NRP2: variants seen among roughly 807,000 people sequenced by gnomAD.
The protein encoded by NRP2 is neuropilin-2.
NRP2 carries 52 observed loss-of-function variants against 110.4 expected under a neutral mutation model. That is an observed-to-expected ratio of 0.47 (90% CI 0.38 to 0.59). The LOEUF (loss-of-function observed/expected upper bound fraction) is 0.59, where lower values mean the gene tolerates loss of function less well. NRP2 is among the 20% of genes least tolerant of loss of function. The probability of loss-of-function intolerance (pLI) is 0.00; values close to 1 mark genes in which losing one functional copy is unlikely to be tolerated. For synonymous variants in NRP2, 508 were observed against 468.9 expected (o/e 1.08, Z -1.08); for missense variants, 1,049 against 1,203.0 (o/e 0.87, Z 1.89).
chr2:205,728,996 A>G (rs13032186), intron 7 of NRP2, among the ~76,000 whole-genome samples: 36,783 of 152,168 alleles, frequency 0.24, 5,149 homozygotes, highest in Non-Finnish European at 0.33. Flanking sequence ...AGTTCCACCA[A>G]GCCCTGGTCT....
rs2057858922 is a variant in NRP2 at position 205,763,523 on chromosome 2, G to A, written c.2045-151G>A. The A allele has an allele frequency of 9.7e-7, 1 of 1,031,392 alleles. No individual in the cohort carries two copies. The highest frequency in any genetic ancestry group is 1.5e-6 in the Non-Finnish European group (1 of 668,320). The allele number at this position is 1,031,392 out of a possible 1,614,324, so 63.9% of individuals were successfully genotyped here. A position where few individuals can be genotyped will look rare whatever the true frequency, so the allele number is the denominator to read the frequency against. On this transcript the variant is annotated intron_variant, in intron 12 of 16. Transcript: ENST00000357785. The surrounding 1 kb of genome is among the most constrained non-coding windows in gnomAD (Gnocchi z 4.0). ...AATCAAGGCTCTGAAGGAGCCTTAA[G>A]AAAGGGTCACAGAGCCTGGAGAACA...
At chr2:205,727,749 C>G (rs1237666467) in intron 6 of NRP2, 142 bp from the exon 7 acceptor site, 2 of 771,120 alleles carry the variant, frequency 2.6e-6, no homozygotes, top group Non-Finnish European at 4.1e-6. Flanking sequence ...GAATTGCAAA[C>G]TGATACTAAT....
intron 12 of NRP2, chr2:205,762,332 G>T: frequency 6.6e-6 from 1 of 152,412 alleles, no homozygotes; most frequent in Non-Finnish European, 1.5e-5. Flanking sequence ...GAGTCAAGAA[G>T]GAAAGAGCTG....
At position 205,711,478 on chromosome 2, in the gene NRP2, A is replaced by G. The variant is rs568577765; in HGVS notation, c.252-4715A>G. On this transcript the variant is annotated intron_variant, in intron 2 of 16. Coordinates refer to ENST00000357785, the MANE Select transcript of NRP2 (RefSeq NM_003872.3). Reference sequence around the variant, plus strand: ...AGGTAACATTTGTCCTTAAGCCTGAAGGATGAGCAACAACCAGCCCTGGAA... The same window carrying G: ...AGGTAACATTTGTCCTTAAGCCTGAGGGATGAGCAACAACCAGCCCTGGAA... Among the ~76,000 whole-genome samples the G allele has an allele frequency of 2.0e-4, 30 of 152,324 alleles. No homozygotes were observed. In the South Asian group the frequency reaches 6.2e-3, roughly 32 times the overall value.
At chr2:205,694,252 CTAAGTAGTACT>C (rs1310023656) in intron 1 of NRP2, among the ~76,000 whole-genome samples, 5 of 152,172 alleles carry the variant, frequency 3.3e-5, no homozygotes, top group African/African-American at 1.2e-4. Flanking sequence ...ATAAAAACAC[CTAAGTAGTACT>C]TATAAGAGGA....
intron 15 of NRP2, among the ~76,000 whole-genome samples, chr2:205,785,505 C>G (rs970444020): frequency 6.6e-6 from 1 of 152,178 alleles, no homozygotes; most frequent in Non-Finnish European, 1.5e-5. Flanking sequence ...TGAAAAGAGC[C>G]AATTGCTTGT....
chr2:205,744,122 C>T (rs775200559), intron 9 of NRP2, among the ~76,000 whole-genome samples: 2 of 152,156 alleles, frequency 1.3e-5, no homozygotes, highest in Non-Finnish European at 2.9e-5. Context: ...GATAAACTGA[C>T]ACTTGATATC....
chr2:205,708,499 G>A (rs1355780726), intron 2 of NRP2, among the ~76,000 whole-genome samples: 1 of 152,206 alleles, frequency 6.6e-6, no homozygotes, highest in Non-Finnish European at 1.5e-5. Flanking sequence ...CCTTCAGAGA[G>A]ACTTATCAGA....
At chr2:205,701,237 C>T (rs921083023) in intron 2 of NRP2, 1 of 152,450 alleles carries the variant, frequency 6.6e-6, no homozygotes, top group African/African-American at 2.4e-5. Context: ...AAAACCAAAA[C>T]CAGGAGGCTG....
intron 12 of NRP2, chr2:205,759,415 A>G (rs1420502772): frequency 6.6e-6 from 1 of 152,224 alleles, no homozygotes; most frequent in East Asian, 1.9e-4. Flanking sequence ...TGGCCTATGG[A>G]AACTCCTTCT....
chr2:205,726,985 C>T (rs1472114342), intron 6 of NRP2, among the ~76,000 whole-genome samples: 10 of 152,218 alleles, frequency 6.6e-5, no homozygotes, highest in African/African-American at 1.4e-4. Context: ...TCCATCTCCT[C>T]GCAGCCTGCA....
At chr2:205,712,438 G>A (rs2056817055) in intron 2 of NRP2, among the ~76,000 whole-genome samples, 1 of 152,070 alleles carries the variant, frequency 6.6e-6, no homozygotes, top group Non-Finnish European at 1.5e-5. Context: ...CTATCGTTGG[G>A]GTGAGCTCTG....
At chr2:205,776,340 C>T in intron 15 of NRP2, 1 of 1,612,854 alleles carries the variant, frequency 6.2e-7, no homozygotes, top group Non-Finnish European at 8.5e-7. Context: ...CCGCCGGGGG[C>T]GCCGTGCTGG....
intron 15 of NRP2, among the ~76,000 whole-genome samples, chr2:205,772,838 G>T (rs2058043071): frequency 6.6e-6 from 1 of 152,202 alleles, no homozygotes; most frequent in Non-Finnish European, 1.5e-5. Flanking sequence ...GGTGACATCT[G>T]CCTAAAGTGG....
chr2:205,706,811 C>T (rs1419590288), intron 2 of NRP2, among the ~76,000 whole-genome samples: 3 of 152,260 alleles, frequency 2.0e-5, no homozygotes, highest in Middle Eastern at 3.4e-3. Context: ...ACTGCCTGGG[C>T]CTTTATACAC....
chr2:205,739,693 T>TC (rs2057406242), intron 7 of NRP2, among the ~76,000 whole-genome samples: 1 of 151,330 alleles, frequency 6.6e-6, no homozygotes, highest in Admixed American at 6.6e-5. Context: ...TTTTTTTTTT[T>TC]TTTTTTTTTG....
At chr2:205,732,211 A>C (rs1009988576) in intron 7 of NRP2, among the ~76,000 whole-genome samples, 26 of 152,312 alleles carry the variant, frequency 1.7e-4, no homozygotes, top group African/African-American at 6.3e-4. Context: ...ATTATTGTGG[A>C]GCTGGGCTTC....
At position 205,765,587 on chromosome 2, in the gene NRP2, C is replaced by T. The variant is rs769970184; in HGVS notation, c.2404+17C>T. ...ACTGCATGGGTATGTGAATATCTGTCTCTTCATGGTTCTTTCAAATAAGAC... is the reference window on the plus strand; with the variant it reads ...ACTGCATGGGTATGTGAATATCTGTTTCTTCATGGTTCTTTCAAATAAGAC... On this transcript the variant is annotated intron_variant, in intron 14 of 16. Coordinates refer to ENST00000357785, the MANE Select transcript of NRP2 (RefSeq NM_003872.3). 6.3e-7 allele frequency: 1 copy of T among 1,594,718 alleles called. No individual in the cohort carries two copies. The highest frequency in any genetic ancestry group is 8.6e-7 in the Non-Finnish European group (1 of 1,162,350).
In NRP2 at chr2:205,722,514, A is replaced by T. The variant is rs547293929; in HGVS notation, c.470A>T (p.Asn157Ile). The T allele has an allele frequency of 6.2e-7, 1 of 1,614,208 alleles. No homozygotes were observed. Among genetic ancestry groups the T allele is most frequent in the East Asian group, 2.2e-5 (1 of 44,888 alleles). ...TGCTCAAAAAACTTCACAAGCCCCA[A>T]CGGGACCATCGAATCTCCTGGGTTT... is the stretch of plus-strand genomic sequence containing the variant. ...EDCSKNFTSPNGTIESPGFPE... is the reference protein window; with the variant it reads ...EDCSKNFTSPIGTIESPGFPE... The change falls in exon 4 of 17, where the codon AAC becomes ATC. Residue 157 changes from asparagine (N) to isoleucine (I), a missense_variant. By Grantham distance (149) the Asn-to-Ile change is moderately radical. Transcript: ENST00000357785.
Sources: allele counts gnomAD v4.1 joint callset (sites outside exome capture counted in the v4.1 genomes callset), GRCh38; gene constraint gnomAD v4.1.1; non-coding constraint Gnocchi (gnomAD v3.1); transcripts MANE v1.5; gene names NCBI Gene and HGNC (gene_info 2026-07-23, HGNC 2026-07-21).